CACNA1B: variants seen among roughly 807,000 people sequenced by gnomAD.
The protein encoded by CACNA1B is calcium voltage-gated channel subunit alpha1 B.
In CACNA1B, 70 loss-of-function variants were observed where a neutral mutation model predicts 247.2. The observed-to-expected ratio is 0.28, with a 90% confidence interval of 0.23 to 0.35. CACNA1B has a LOEUF of 0.35. Among genes scored for constraint, CACNA1B ranks in the 10% least tolerant of loss-of-function variants. The probability of loss-of-function intolerance (pLI) is 1.00; values close to 1 mark genes in which losing one functional copy is unlikely to be tolerated. For synonymous variants in CACNA1B, 1,231 were observed against 1,294.4 expected (o/e 0.95, Z 1.05); for missense variants, 2,367 against 3,197.4 (o/e 0.74, Z 6.26).
In CACNA1B at chr9:137,913,300, G is replaced by T. The variant is rs139844870; in HGVS notation, c.622+29G>T. The T allele has an allele frequency of 5.4e-4, 836 of 1,558,078 alleles. 12 individuals are homozygous for T. The East Asian group carries it at 0.018, about 34-fold the overall frequency. ...AGTCCAGCGAAGACAGGCCCAAGCC[G>T]GCTTGGAGTAACAACCTCCTCTCCT... On this transcript the variant is annotated intron_variant, in intron 4 of 46. Coordinates refer to ENST00000371372, the MANE Select transcript of CACNA1B (RefSeq NM_000718.4). The surrounding 1 kb of genome is among the most constrained non-coding windows in gnomAD (Gnocchi z 5.2).
At chr9:138,114,857 G>C (rs1468447473) in intron 41 of CACNA1B, among the ~76,000 whole-genome samples, 3 of 152,166 alleles carry the variant, frequency 2.0e-5, no homozygotes, top group Non-Finnish European at 1.5e-5. Flanking sequence ...CCTTCACACA[G>C]AGAGCAAAGA....
intron 3 of CACNA1B, among the ~76,000 whole-genome samples, chr9:137,892,737 A>T (rs1003073211): frequency 1.3e-5 from 2 of 152,186 alleles, no homozygotes; most frequent in Non-Finnish European, 2.9e-5. Context: ...CCACCCCAGC[A>T]CCTGCTGTCT....
rs202019797 is a variant in CACNA1B, at chr9:137,956,767, G to A, written c.1187-4G>A. The A allele has an allele frequency of 8.7e-6, 14 of 1,613,112 alleles. No individual in the cohort carries two copies. The Admixed American group carries it at 1.0e-4, about 12-fold the overall frequency. On this transcript the variant is annotated splice_region_variant and splice_polypyrimidine_tract_variant and intron_variant, in intron 8 of 46. Transcript: ENST00000371372. ...TCTGACCTGAGGCTGTGTTCCCCTC[G>A]CAGAGGAAGTCATGCTGGCCGAGGA...
chr9:137,985,466 A>C (rs1206063556), intron 13 of CACNA1B, among the ~76,000 whole-genome samples: 3 of 152,210 alleles, frequency 2.0e-5, no homozygotes, highest in African/African-American at 7.2e-5. Context: ...GTCCTGAGGC[A>C]GGCTGGCCTA....
intron 15 of CACNA1B, among the ~76,000 whole-genome samples, chr9:137,996,421 A>T (rs1262022136): frequency 2.6e-5 from 4 of 152,236 alleles, no homozygotes. Flanking sequence ...ATGGAAACCC[A>T]AACATTGTGT....
intron 31 of CACNA1B, among the ~76,000 whole-genome samples, chr9:138,063,501 T>G (rs1266688708): frequency 2.0e-5 from 3 of 152,090 alleles, no homozygotes; most frequent in Non-Finnish European, 2.9e-5. Context: ...CTCTAAAAAA[T>G]AAAAATAAGA....
intron 5 of CACNA1B, among the ~76,000 whole-genome samples, chr9:137,916,580 G>A (rs1467569527): frequency 1.3e-5 from 2 of 152,220 alleles, no homozygotes; most frequent in African/African-American, 4.8e-5. Flanking sequence ...TACATGTTCG[G>A]TTGGTTCCAG....
At chr9:138,000,173 A>C (rs941412878) in intron 15 of CACNA1B, among the ~76,000 whole-genome samples, 4 of 149,024 alleles carry the variant, frequency 2.7e-5, no homozygotes, top group Admixed American at 6.8e-5. Context: ...ATCTCGGCTC[A>C]CTGCAAGCTC....
chr9:137,935,974 A>T (rs1001141123), intron 6 of CACNA1B, among the ~76,000 whole-genome samples: 4 of 152,134 alleles, frequency 2.6e-5, no homozygotes, highest in African/African-American at 9.7e-5. Flanking sequence ...CTCCTGCCTC[A>T]GCCTCCTGAG....
Position 138,023,424 on chromosome 9 carries a change from A to T in CACNA1B, c.2681A>T (p.Lys894Met), listed in dbSNP as rs550100275. The stretch of plus-strand genomic sequence containing the variant: ...CCGCGGCCGCACCGCAGCCACAGCA[A>T]GGAGGCCGCGGGGCCCCCGGAGGCG... ...ERPRPHRSHS[K>M]EAAGPPEARS... Residue 894 changes from lysine to methionine, a missense_variant, in exon 19 of 47, where the codon AAG becomes ATG. Coordinates refer to ENST00000371372, the MANE Select transcript of CACNA1B (RefSeq NM_000718.4). The T allele has an allele frequency of 2.8e-4, 362 of 1,287,600 alleles. 4 individuals carry two copies. In the South Asian group the frequency reaches 8.0e-3, roughly 28 times the overall value. The allele number at this position is 1,287,600 out of a possible 1,614,324, so 79.8% of individuals were successfully genotyped here. A position where few individuals can be genotyped will look rare whatever the true frequency, so the allele number is the denominator to read the frequency against.
chr9:138,073,746 G>C lies in CACNA1B; in HGVS notation c.4791+142G>C, dbSNP rs1960213714. ...TCGTGGTTGTATGCATTGTCCTGTT[G>C]TCATTTATAAAGACGTTTTAAGTCA... is the stretch of plus-strand genomic sequence containing the variant. On this transcript the variant is annotated intron_variant, in intron 33 of 46. Transcript: ENST00000371372. The surrounding 1 kb of genome is among the most constrained non-coding windows in gnomAD (Gnocchi z 6.4). The C allele has an allele frequency of 1.5e-6, 1 of 651,042 alleles. No individual in the cohort carries two copies. The highest frequency in any genetic ancestry group is 2.7e-6 in the Non-Finnish European group (1 of 365,152). 40.3% of individuals were successfully genotyped at this position (651,042 alleles called of 1,614,324 possible). A position where few individuals can be genotyped will look rare whatever the true frequency, so the allele number is the denominator to read the frequency against.
intron 15 of CACNA1B, 68 bp from the exon 16 acceptor site, chr9:138,006,693 CATGTGG>C: frequency 1.2e-6 from 1 of 801,306 alleles, no homozygotes; most frequent in Non-Finnish European, 2.2e-6. Context: ...CACATGCACT[CATGTGG>C]GTGGGGGTGC....
chr9:138,000,259 CG>C (rs1554745164), intron 15 of CACNA1B, among the ~76,000 whole-genome samples: 3 of 151,926 alleles, frequency 2.0e-5, no homozygotes, highest in Non-Finnish European at 4.4e-5. Context: ...CCACTACGCC[CG>C]GCTAATTTTT....
Position 138,054,690 on chromosome 9 carries a change from C to G in CACNA1B, c.3968+684C>G, listed in dbSNP as rs898844470. ...TAGCAGTTTGGGGAGGTGTATCTGTCTGGTAGTGGAATTGCCGGGTCCTGG... is the reference window on the plus strand; with the variant it reads ...TAGCAGTTTGGGGAGGTGTATCTGTGTGGTAGTGGAATTGCCGGGTCCTGG... On this transcript the variant is annotated intron_variant, in intron 26 of 46. Transcript: ENST00000371372. This position sits in a 1 kb window ranked among gnomAD's most constrained non-coding sequence, Gnocchi z 4.6. Among the ~76,000 whole-genome samples, 1 of 152,204 alleles carries G rather than the reference C, an allele frequency of 6.6e-6. No individual in the cohort carries two copies. Among genetic ancestry groups the G allele is most frequent in the Non-Finnish European group, 1.5e-5 (1 of 68,040 alleles).
chr9:138,047,207 CAG>C (rs1011636193), intron 22 of CACNA1B, among the ~76,000 whole-genome samples, 174 bp downstream of exon 22: 3 of 152,172 alleles, frequency 2.0e-5, no homozygotes, highest in Non-Finnish European at 4.4e-5. Context: ...GACAGGAAGA[CAG>C]GGTGCGGCAG....
At chr9:138,002,471 G>A (rs1041519709) in intron 15 of CACNA1B, among the ~76,000 whole-genome samples, 2 of 151,938 alleles carry the variant, frequency 1.3e-5, no homozygotes, top group Admixed American at 6.6e-5. Context: ...TGCTTTGGGA[G>A]GCTGAGGTGG....
chr9:137,949,526 T>C (rs1957854527), intron 6 of CACNA1B, among the ~76,000 whole-genome samples: 2 of 149,590 alleles, frequency 1.3e-5, no homozygotes, highest in African/African-American at 4.9e-5. Flanking sequence ...CTGTGTGTGA[T>C]GTGTGTCTGT....
At position 138,095,950 on chromosome 9, in the gene CACNA1B, C is replaced by T. The variant is rs367703060; in HGVS notation, c.5095-534C>T. ...GGTGGTTGCCAGGGGGTTGGGGGGG[C>T]GGGGATTGGGGTGGTGATTACCCAA... On this transcript the variant is annotated intron_variant, in intron 36 of 46. Coordinates refer to ENST00000371372, the MANE Select transcript of CACNA1B (RefSeq NM_000718.4). Among the ~76,000 whole-genome samples the T allele has an allele frequency of 1.3e-4, 8 of 63,310 alleles. No homozygotes were observed. In the East Asian group the frequency reaches 1.5e-3, roughly 12 times the overall value. The allele number at this position is 63,310 out of a possible 152,430, so 41.5% of individuals were successfully genotyped here. A position where few individuals can be genotyped will look rare whatever the true frequency, so the allele number is the denominator to read the frequency against.
At position 138,015,036 on chromosome 9, in the gene CACNA1B, G is replaced by A. The variant is rs148757587; in HGVS notation, c.2267+1801G>A. Among the ~76,000 whole-genome samples the A allele has an allele frequency of 8.9e-4, 135 of 152,266 alleles. 1 individual carries two copies. The East Asian group carries it at 0.022, about 25-fold the overall frequency. ...GCCTGAGCACCATGCTGATTCCTAC[G>A]CGAGGAAAGAGCTTCTTTTTTCCCG... On this transcript the variant is annotated intron_variant, in intron 18 of 46. Transcript: ENST00000371372.
Sources: allele counts gnomAD v4.1 joint callset (sites outside exome capture counted in the v4.1 genomes callset), GRCh38; gene constraint gnomAD v4.1.1; non-coding constraint Gnocchi (gnomAD v3.1); transcripts MANE v1.5; gene names NCBI Gene and HGNC (gene_info 2026-07-23, HGNC 2026-07-21).